The following VCF1 variants were observed in gnomAD, a reference collection of about 807,000 sequenced individuals.
The protein encoded by VCF1 is VCP nuclear cofactor family member 1.
the VCF1 span, among the ~76,000 whole-genome samples, chr17:73,218,954 A>G: frequency 6.6e-6 from 1 of 152,018 alleles, no homozygotes; most frequent in African/African-American, 2.4e-5. Context: ...TGGGAGGCGG[A>G]GCTTGCAGTG....
At chr17:73,209,613 G>T in the VCF1 span, 1 of 1,573,484 alleles carries the variant, frequency 6.4e-7, no homozygotes, top group African/African-American at 1.3e-5. Context: ...AGAGGCCTTG[G>T]CACAGCGCGG....
the VCF1 span, among the ~76,000 whole-genome samples, chr17:73,218,794 C>A: frequency 5.3e-4 from 80 of 151,970 alleles, no homozygotes; most frequent in African/African-American, 1.9e-3. Context: ...CCGAGGCGGG[C>A]GGATCACGAG....
chr17:73,229,117 G>T, the VCF1 span: 1 of 982,522 alleles, frequency 1.0e-6, no homozygotes, highest in Non-Finnish European at 1.2e-6. Flanking sequence ...ATCTCTGGGA[G>T]AGTCACATGA....
the VCF1 span, chr17:73,229,107 A>C: frequency 2.0e-6 from 2 of 981,770 alleles, no homozygotes; most frequent in South Asian, 4.7e-5. Flanking sequence ...ATTTCAACTA[A>C]TCTCTGGGAG....
At chr17:73,229,867 CAAA>C in the VCF1 span, among the ~76,000 whole-genome samples, 8 of 22,618 alleles carry the variant, frequency 3.5e-4, no homozygotes, top group South Asian at 3.4e-3. Flanking sequence ...GACTCCATCT[CAAA>C]AAAAAAAAAA....
chr17:73,220,999 A>G, the VCF1 span, among the ~76,000 whole-genome samples: 2 of 147,602 alleles, frequency 1.4e-5, no homozygotes, highest in African/African-American at 5.1e-5. Flanking sequence ...CCCGGGTCCA[A>G]GCAGTTCTCC....
chr17:73,219,639 G>C, the VCF1 span, among the ~76,000 whole-genome samples: 1 of 147,698 alleles, frequency 6.8e-6, no homozygotes, highest in East Asian at 2.0e-4. Flanking sequence ...AACAGAGCGA[G>C]ACTCTGTCTC....
chr17:73,220,415 G>A, the VCF1 span, among the ~76,000 whole-genome samples: 1 of 152,048 alleles, frequency 6.6e-6, no homozygotes, highest in Admixed American at 6.6e-5. Flanking sequence ...AGACAAAGGG[G>A]CTGAAGCTGT....
chr17:73,224,318 G>C, the VCF1 span, among the ~76,000 whole-genome samples: 1 of 150,398 alleles, frequency 6.6e-6, no homozygotes, highest in South Asian at 2.1e-4. Context: ...GGTAGCATGT[G>C]CCTGTAGTTC....
At chr17:73,231,403 T>A in the VCF1 span, among the ~76,000 whole-genome samples, 1 of 152,196 alleles carries the variant, frequency 6.6e-6, no homozygotes, top group Non-Finnish European at 1.5e-5. Flanking sequence ...ACCCCTAATT[T>A]AAGACCCGCG....
At chr17:73,222,076 G>A in the VCF1 span, among the ~76,000 whole-genome samples, 10 of 146,698 alleles carry the variant, frequency 6.8e-5, no homozygotes, top group Non-Finnish European at 1.0e-4. Flanking sequence ...GTGTAGTGGC[G>A]CACACCTGTA....
At chr17:73,209,184 ATAAAG>A in the VCF1 span, 5 of 282,812 alleles carry the variant, frequency 1.8e-5, no homozygotes, top group Non-Finnish European at 3.3e-5. Flanking sequence ...GGCCCTTTAC[ATAAAG>A]TAGAGTTTCT....
chr17:73,217,625 G>T, the VCF1 span, among the ~76,000 whole-genome samples: 1 of 149,686 alleles, frequency 6.7e-6, no homozygotes, highest in African/African-American at 2.5e-5. Context: ...ACTCCAGCCT[G>T]GCGACAGAGT....
chr17:73,224,935 C>CACAGCACAGCACAGGACAGG, the VCF1 span, among the ~76,000 whole-genome samples: 49 of 117,066 alleles, frequency 4.2e-4, 3 homozygotes, highest in African/African-American at 1.8e-3. Flanking sequence ...GACAGGACAG[C>CACAGCACAGCACAGGACAGG]ACAGCACAGC....
chr17:73,231,589 C>T, the VCF1 span, among the ~76,000 whole-genome samples: 1 of 152,230 alleles, frequency 6.6e-6, no homozygotes, highest in African/African-American at 2.4e-5. Flanking sequence ...TCTGTGTTCA[C>T]AACCGTTCAG....
the VCF1 span, chr17:73,208,294 T>C: frequency 6.2e-7 from 1 of 1,612,730 alleles, no homozygotes; most frequent in Non-Finnish European, 8.5e-7. Flanking sequence ...TAAGGCACTT[T>C]TCTCTACATC....
the VCF1 span, among the ~76,000 whole-genome samples, chr17:73,211,785 G>A: frequency 2.0e-5 from 3 of 152,162 alleles, no homozygotes; most frequent in East Asian, 1.9e-4. Context: ...GCTTGAACCC[G>A]GGAGGTGAAG....
the VCF1 span, chr17:73,229,424 T>C: frequency 6.1e-6 from 6 of 985,476 alleles, no homozygotes; most frequent in Non-Finnish European, 7.2e-6. Flanking sequence ...GGCACCCCTA[T>C]AACTGATTAT....
chr17:73,212,792 T>C, the VCF1 span: 1 of 1,344,124 alleles, frequency 7.4e-7, no homozygotes. Flanking sequence ...CAAGTTTTCA[T>C]CTCAAATTAT....
Sources: allele counts gnomAD v4.1 joint callset (sites outside exome capture counted in the v4.1 genomes callset), GRCh38; gene constraint gnomAD v4.1.1; transcripts MANE v1.5; gene names NCBI Gene and HGNC (gene_info 2026-07-23, HGNC 2026-07-21).